Variants in PTPRD observed in about 807,000 individuals in gnomAD.
The protein encoded by PTPRD is protein tyrosine phosphatase receptor type D.
In PTPRD, 34 loss-of-function variants were observed where a neutral mutation model predicts 214.5. The ratio of observed to expected loss-of-function variants is 0.16; its 90% CI spans 0.12 to 0.21. The LOEUF is 0.21. Ranked by LOEUF, PTPRD falls within the 10% of genes least tolerant of loss-of-function variation. PTPRD has a pLI of 1.00. For missense variants in PTPRD, 2,545 were observed against 2,398.7 expected (o/e 1.06, Z -1.27); for synonymous variants, 1,128 against 845.7 (o/e 1.33, Z -5.79).
intron 9 of PTPRD, among the ~76,000 whole-genome samples, chr9:9,242,026 G>A (rs924113081): frequency 6.6e-6 from 1 of 152,026 alleles, no homozygotes; most frequent in Non-Finnish European, 1.5e-5. Context: ...AGGAGCTCTT[G>A]TAGGGCAGGC....
At chr9:10,065,695 T>C (rs954456898) in intron 3 of PTPRD, among the ~76,000 whole-genome samples, 1 of 151,954 alleles carries the variant, frequency 6.6e-6, no homozygotes, top group Admixed American at 6.6e-5. Flanking sequence ...AAGGTTCAGA[T>C]AGAAGGACTG....
At chr9:10,476,431 G>T (rs898779418) in intron 2 of PTPRD, among the ~76,000 whole-genome samples, 7 of 151,938 alleles carry the variant, frequency 4.6e-5, no homozygotes, top group Non-Finnish European at 1.0e-4. Context: ...AACTTACAAG[G>T]GACATGAAGG....
chr9:10,529,396 A>T (rs2055405668), intron 2 of PTPRD, among the ~76,000 whole-genome samples: 1 of 152,220 alleles, frequency 6.6e-6, no homozygotes, highest in Non-Finnish European at 1.5e-5. Context: ...GCCATAAAAA[A>T]GAATGAGTTC....
chr9:9,207,342 G>C (rs2099945501), intron 9 of PTPRD, among the ~76,000 whole-genome samples: 1 of 152,084 alleles, frequency 6.6e-6, no homozygotes, highest in African/African-American at 2.4e-5. Context: ...ATAGAATTCG[G>C]GGTGCAGATG....
chr9:10,222,812 T>C (rs2099575687), intron 3 of PTPRD, among the ~76,000 whole-genome samples: 1 of 152,012 alleles, frequency 6.6e-6, no homozygotes, highest in African/African-American at 2.4e-5. Context: ...TAAAACAATT[T>C]CAGAAAGAAA....
At chr9:8,742,569 T>C (rs1440455852) in intron 11 of PTPRD, among the ~76,000 whole-genome samples, 1 of 132,082 alleles carries the variant, frequency 7.6e-6, no homozygotes, top group African/African-American at 4.0e-5. Context: ...ATTTTATTTG[T>C]TTTAGCCCTA....
intron 11 of PTPRD, among the ~76,000 whole-genome samples, chr9:8,823,381 T>A (rs554857828): frequency 2.0e-5 from 3 of 152,320 alleles, no homozygotes; most frequent in South Asian, 4.1e-4. Context: ...ATGTAATACA[T>A]AGCCCTTCCC....
intron 10 of PTPRD, among the ~76,000 whole-genome samples, chr9:9,091,432 G>A (rs891634521): frequency 6.6e-6 from 1 of 152,088 alleles, no homozygotes; most frequent in Admixed American, 6.5e-5. Flanking sequence ...AAAATACCTT[G>A]TTAGTCTTGC....
intron 9 of PTPRD, among the ~76,000 whole-genome samples, chr9:9,316,590 G>A (rs550874561): frequency 6.6e-6 from 1 of 152,148 alleles, no homozygotes; most frequent in East Asian, 1.9e-4. Context: ...CTTCCAATGG[G>A]CTTTTGTAGG....
chr9:8,623,528 T>C (rs1371164544), intron 14 of PTPRD, among the ~76,000 whole-genome samples: 3 of 151,868 alleles, frequency 2.0e-5, no homozygotes, highest in African/African-American at 7.2e-5. Flanking sequence ...AATGGGGCAG[T>C]TCCCTTTAAT....
intron 10 of PTPRD, among the ~76,000 whole-genome samples, chr9:9,115,359 C>T (rs1470945740): frequency 6.6e-6 from 1 of 151,924 alleles, no homozygotes; most frequent in African/African-American, 2.4e-5. Context: ...AAACAAATGG[C>T]CGACAAACAT....
chr9:9,522,933 G>C (rs2097023169), intron 8 of PTPRD, among the ~76,000 whole-genome samples: 1 of 152,094 alleles, frequency 6.6e-6, no homozygotes, highest in African/African-American at 2.4e-5. Context: ...CAGAAGATTT[G>C]ACAGGGAAGG....
intron 9 of PTPRD, among the ~76,000 whole-genome samples, chr9:9,220,115 A>G (rs1354561722): frequency 6.6e-6 from 1 of 152,084 alleles, no homozygotes; most frequent in Non-Finnish European, 1.5e-5. Flanking sequence ...CTTTTCCTTT[A>G]GGTAACTCAA....
chr9:9,110,922 G>C (rs529231643), intron 10 of PTPRD, among the ~76,000 whole-genome samples: 1 of 152,236 alleles, frequency 6.6e-6, no homozygotes, highest in East Asian at 1.9e-4. Context: ...CAGAGTAGTT[G>C]TGACAGAGAC....
intron 12 of PTPRD, among the ~76,000 whole-genome samples, chr9:8,733,052 G>A (rs891119971): frequency 2.0e-5 from 3 of 152,144 alleles, no homozygotes; most frequent in Non-Finnish European, 4.4e-5. Flanking sequence ...AAAAGCCACA[G>A]GACAGATGGG....
At chr9:8,501,708 T>C (rs1049853355) in intron 23 of PTPRD, among the ~76,000 whole-genome samples, 2 of 152,192 alleles carry the variant, frequency 1.3e-5, no homozygotes, top group African/African-American at 4.8e-5. Flanking sequence ...ATAGCCCATA[T>C]ACAGTGAGCA....
At chr9:9,424,829 C>T (rs192947765) in intron 8 of PTPRD, among the ~76,000 whole-genome samples, 44 of 152,064 alleles carry the variant, frequency 2.9e-4, no homozygotes, top group South Asian at 8.3e-4. Context: ...ATTTAGAAAA[C>T]GACAATTTAA....
intron 7 of PTPRD, among the ~76,000 whole-genome samples, chr9:9,687,147 T>C (rs753657960): frequency 1.1e-4 from 9 of 84,688 alleles, no homozygotes; most frequent in Non-Finnish European, 1.6e-4. Flanking sequence ...ACAAAACATA[T>C]AGATCTACAC....
chr9:8,833,980 C>G (rs1381375629), intron 11 of PTPRD, among the ~76,000 whole-genome samples: 1 of 150,816 alleles, frequency 6.6e-6, no homozygotes, highest in African/African-American at 2.4e-5. Flanking sequence ...AACAGGTAGA[C>G]ATTTAGTAGA....
Sources: allele counts gnomAD v4.1 joint callset (sites outside exome capture counted in the v4.1 genomes callset), GRCh38; gene constraint gnomAD v4.1.1; transcripts MANE v1.5; gene names NCBI Gene and HGNC (gene_info 2026-07-23, HGNC 2026-07-21).